The following OOSP3 variants were observed in gnomAD, a reference collection of about 807,000 sequenced individuals.
The protein encoded by OOSP3 is oocyte secreted protein family member 3.
chr11:59,896,191 G>A (rs1416809726), exon 5 of OOSP3: 1 of 398,326 alleles, frequency 2.5e-6, no homozygotes, highest in Admixed American at 4.4e-5. Flanking sequence ...GTCCATGAGA[G>A]TGCAAATGTA....
At chr11:59,884,250 G>A (rs1853228548) in intron 2 of OOSP3, among the ~76,000 whole-genome samples, 1 of 152,222 alleles carries the variant, frequency 6.6e-6, no homozygotes, top group Admixed American at 6.5e-5. Context: ...TGCTGCAGCT[G>A]CTGCCAGGAT....
At chr11:59,889,797 T>C (rs1279033882) in intron 2 of OOSP3, among the ~76,000 whole-genome samples, 1 of 152,202 alleles carries the variant, frequency 6.6e-6, no homozygotes, top group African/African-American at 2.4e-5. Flanking sequence ...TGTAGATATC[T>C]ATCAGGTCCA....
At chr11:59,895,309 C>T (rs1186545224) in intron 3 of OOSP3, among the ~76,000 whole-genome samples, 193 bp from the exon 4 acceptor site, 8 of 132,394 alleles carry the variant, frequency 6.0e-5, no homozygotes, top group Admixed American at 1.6e-4. Flanking sequence ...TTTGGACTAA[C>T]GCCCCTAAAT....
chr11:59,882,812 T>C (rs1761843715), intron 2 of OOSP3, among the ~76,000 whole-genome samples: 1 of 152,186 alleles, frequency 6.6e-6, no homozygotes, highest in African/African-American at 2.4e-5. Flanking sequence ...CCCCTAGTTA[T>C]AGGCAACCAC....
At chr11:59,891,176 A>G (rs1328357571) in intron 2 of OOSP3, among the ~76,000 whole-genome samples, 6 of 152,130 alleles carry the variant, frequency 3.9e-5, no homozygotes, top group Non-Finnish European at 7.4e-5. Flanking sequence ...AGCTCTTGTA[A>G]TCTTTTATCA....
At chr11:59,881,103 A>G (rs530839599) in intron 2 of OOSP3, among the ~76,000 whole-genome samples, 2 of 151,936 alleles carry the variant, frequency 1.3e-5, no homozygotes, top group African/African-American at 4.8e-5. Context: ...GGCTTACCCT[A>G]TAATCCCAGC....
intron 1 of OOSP3, 35 bp from the exon 2 acceptor site, chr11:59,880,226 C>T: frequency 2.5e-6 from 1 of 398,182 alleles, no homozygotes. Context: ...CATAAAATTG[C>T]TATCTAAATG....
At chr11:59,888,497 T>G (rs1408844778) in intron 2 of OOSP3, among the ~76,000 whole-genome samples, 3 of 152,244 alleles carry the variant, frequency 2.0e-5, no homozygotes, top group Non-Finnish European at 4.4e-5. Flanking sequence ...ATTGAGAGTT[T>G]TTAACATGAA....
chr11:59,892,081 G>A (rs923939362), intron 2 of OOSP3, among the ~76,000 whole-genome samples: 2 of 152,192 alleles, frequency 1.3e-5, no homozygotes, highest in African/African-American at 4.8e-5. Context: ...GCAGCTCAGT[G>A]CCTGCCTGAG....
intron 2 of OOSP3, among the ~76,000 whole-genome samples, chr11:59,890,061 G>T (rs926799559): frequency 3.9e-5 from 6 of 151,954 alleles, no homozygotes; most frequent in African/African-American, 1.5e-4. Flanking sequence ...GACCTTTGTT[G>T]GTTTAAATTC....
intron 2 of OOSP3, among the ~76,000 whole-genome samples, chr11:59,888,414 G>A (rs575377156): frequency 1.8e-4 from 28 of 152,152 alleles, no homozygotes; most frequent in Non-Finnish European, 2.5e-4. Flanking sequence ...TTGCCCTTTC[G>A]TTCTGATATT....
At chr11:59,883,370 T>G (rs75205964) in intron 2 of OOSP3, among the ~76,000 whole-genome samples, 1,635 of 152,190 alleles carry the variant, frequency 0.011, 33 homozygotes, top group African/African-American at 0.038. Context: ...AACAGCCCAT[T>G]TGGACACCTG....
At chr11:59,880,393 G>A (rs1853188550) in exon 2 of OOSP3, 2 of 398,428 alleles carry the variant, frequency 5.0e-6, no homozygotes, top group African/African-American at 4.1e-5. Flanking sequence ...ACTGCGAAGG[G>A]ATATGAGTTT....
intron 2 of OOSP3, among the ~76,000 whole-genome samples, chr11:59,886,948 G>A (rs1853267168): frequency 6.6e-6 from 1 of 151,818 alleles, no homozygotes; most frequent in Non-Finnish European, 1.5e-5. Context: ...GTGCCACCAT[G>A]CCCGGCTAAT....
chr11:59,895,588 C>T, exon 4 of OOSP3: 1 of 398,442 alleles, frequency 2.5e-6, no homozygotes. Flanking sequence ...TCTTATTCTC[C>T]CTGGAACTTA....
At chr11:59,880,239 T>TA (rs1187405521) in intron 1 of OOSP3, 22 bp from the exon 2 acceptor site, 1 of 398,462 alleles carries the variant, frequency 2.5e-6, no homozygotes. Flanking sequence ...TCTAAATGTT[T>TA]AAAAAAATTT....
intron 2 of OOSP3, among the ~76,000 whole-genome samples, chr11:59,883,723 T>G (rs1045189346): frequency 4.6e-5 from 7 of 152,216 alleles, no homozygotes; most frequent in African/African-American, 1.7e-4. Flanking sequence ...TTTTTCTGTC[T>G]TAAGAAAGAC....
intron 2 of OOSP3, among the ~76,000 whole-genome samples, chr11:59,887,662 G>A (rs1195123596): frequency 6.6e-6 from 1 of 152,148 alleles, no homozygotes; most frequent in Non-Finnish European, 1.5e-5. Context: ...TTATATGTCT[G>A]TTTTTGCACC....
chr11:59,887,813 G>GT (rs1053501680), intron 2 of OOSP3, among the ~76,000 whole-genome samples: 49 of 151,496 alleles, frequency 3.2e-4, no homozygotes, highest in South Asian at 2.1e-3. Context: ...TTTTAAAATA[G>GT]TTTTTTTTTC....
Sources: gnomAD v4.1 joint callset for allele counts (sites outside exome capture counted in the v4.1 genomes callset) on GRCh38, gnomAD v4.1.1 for gene constraint, MANE v1.5 for transcripts, NCBI Gene and HGNC (gene_info 2026-07-23, HGNC 2026-07-21) for gene names.